The following MOB1B variants were observed in gnomAD, a reference collection of about 807,000 sequenced individuals.
MOB1B encodes the protein MOB kinase activator 1B.
A neutral mutation model predicts 24.4 loss-of-function variants in MOB1B; 19 were observed. That is an observed-to-expected ratio of 0.78 (90% CI 0.54 to 1.14). MOB1B has a LOEUF of 1.14. Among genes scored for constraint, MOB1B ranks in the 50% most tolerant of loss-of-function variants. MOB1B has a pLI of 0.00. For synonymous variants in MOB1B, 76 were observed against 82.1 expected, an observed-to-expected ratio of 0.93 and a Z score of 0.40; for missense variants, 243 against 259.6, an observed-to-expected ratio of 0.94 and a Z score of 0.44.
At chr4:70,924,420 CTT>C (rs1736569559) in intron 1 of MOB1B, among the ~76,000 whole-genome samples, 1 of 152,190 alleles carries the variant, frequency 6.6e-6, no homozygotes, top group Non-Finnish European at 1.5e-5. Flanking sequence ...GGCTTAGACT[CTT>C]TAGCCCTTTA....
At chr4:70,964,067 A>G (rs1738419850) in intron 2 of MOB1B, among the ~76,000 whole-genome samples, 1 of 152,256 alleles carries the variant, frequency 6.6e-6, no homozygotes, top group Non-Finnish European at 1.5e-5. Flanking sequence ...TTCAATTCCC[A>G]AATAGTATAT....
intron 1 of MOB1B, among the ~76,000 whole-genome samples, chr4:70,914,742 TC>T (rs1393324150): frequency 6.6e-6 from 1 of 152,240 alleles, no homozygotes; most frequent in African/African-American, 2.4e-5. Context: ...TTTGTCATTC[TC>T]AGGTAGTTGT....
chr4:70,975,824 G>A (rs1373451705), intron 4 of MOB1B: 1 of 912,812 alleles, frequency 1.1e-6, no homozygotes, highest in East Asian at 1.2e-4. Context: ...ACTTACAGGT[G>A]TTCTATGTTT....
chr4:70,929,890 C>T (rs1241856437), intron 1 of MOB1B, among the ~76,000 whole-genome samples: 1 of 151,950 alleles, frequency 6.6e-6, no homozygotes, highest in East Asian at 1.9e-4. Flanking sequence ...GCCTCGGCCT[C>T]CCTTAATACA....
chr4:70,929,869 G>A (rs951570550), intron 1 of MOB1B, among the ~76,000 whole-genome samples: 3 of 151,808 alleles, frequency 2.0e-5, no homozygotes, highest in South Asian at 2.1e-4. Context: ...TCCTGACCTT[G>A]TGATCCGCCC....
intron 1 of MOB1B, among the ~76,000 whole-genome samples, chr4:70,927,265 G>T (rs1015323481): frequency 6.6e-6 from 1 of 152,084 alleles, no homozygotes; most frequent in Non-Finnish European, 1.5e-5. Context: ...TCAGCCAGGC[G>T]CAGTGGCTCA....
At chr4:70,955,011 C>T (rs1362969978) in intron 1 of MOB1B, among the ~76,000 whole-genome samples, 2 of 152,004 alleles carry the variant, frequency 1.3e-5, no homozygotes, top group African/African-American at 4.8e-5. Context: ...GTCTCAAACT[C>T]CTGACCTCAA....
At chr4:70,951,975 G>A (rs1414631127) in intron 1 of MOB1B, among the ~76,000 whole-genome samples, 3 of 152,206 alleles carry the variant, frequency 2.0e-5, no homozygotes, top group East Asian at 1.9e-4. Context: ...ACTTTCGTAC[G>A]TTGTGGCTGC....
chr4:70,903,974 CTTTTTTTTT>C (rs754257097), intron 1 of MOB1B, among the ~76,000 whole-genome samples: 7 of 81,006 alleles, frequency 8.6e-5, no homozygotes, highest in East Asian at 4.4e-4. Context: ...TATTTTAGTT[CTTTTTTTTT>C]TTTTTTTTTT....
intron 1 of MOB1B, among the ~76,000 whole-genome samples, chr4:70,923,267 T>C (rs1418513869): frequency 6.6e-6 from 1 of 152,092 alleles, no homozygotes; most frequent in African/African-American, 2.4e-5. Flanking sequence ...AAGAGCATCC[T>C]CTTTGGGGAG....
chr4:70,982,030 T>TG lies in MOB1B; in HGVS notation c.625dup (p.Glu209GlyfsTer43). On this transcript the variant is annotated frameshift_variant, in exon 6 of 6. Coordinates refer to ENST00000309395, the MANE Select transcript of MOB1B (RefSeq NM_173468.4). LOFTEE classifies it high-confidence loss of function. ...AACTTGCACCACTCCAAGAACTGAT[T>TG]GAAAAACTCACCTCAAAAGACAGAT... 1 of 1,612,506 alleles carries TG rather than the reference T, an allele frequency of 6.2e-7. No homozygotes were observed. Among genetic ancestry groups the TG allele is most frequent in the East Asian group, 2.2e-5 (1 of 44,848 alleles).
At position 70,939,816 on chromosome 4, in the gene MOB1B, C is replaced by A. The variant is rs183195415; in HGVS notation, c.15-19058C>A. On this transcript the variant is annotated intron_variant, in intron 1 of 5. Transcript: ENST00000309395. ...CAAGGACAGAGAGTTTTTTGTATCC[C>A]GGAGTTCTTGCCTTGGTGTACAGAA... Among the ~76,000 whole-genome samples, 3 of 152,292 alleles carry A rather than the reference C, an allele frequency of 2.0e-5. No homozygotes were observed. In the South Asian group the frequency reaches 6.2e-4, roughly 32 times the overall value.
At chr4:70,932,495 A>G (rs985920984) in intron 1 of MOB1B, among the ~76,000 whole-genome samples, 13 of 152,156 alleles carry the variant, frequency 8.5e-5, no homozygotes, top group African/African-American at 2.7e-4. Context: ...GCATTGCACT[A>G]GTATTTTATT....
intron 1 of MOB1B, chr4:70,950,839 A>G (rs1349600378): frequency 1.6e-6 from 2 of 1,234,260 alleles, no homozygotes; most frequent in Admixed American, 4.0e-5. Flanking sequence ...GAGCAGAGAG[A>G]ACTAATAGTA....
intron 1 of MOB1B, among the ~76,000 whole-genome samples, chr4:70,939,435 C>T (rs183711698): frequency 2.6e-5 from 4 of 152,170 alleles, no homozygotes; most frequent in African/African-American, 4.8e-5. Flanking sequence ...ATCTCACACC[C>T]GTAATCACAG....
intron 1 of MOB1B, among the ~76,000 whole-genome samples, chr4:70,951,425 G>T (rs75790587): frequency 0.013 from 1,972 of 152,350 alleles, 38 homozygotes; most frequent in African/African-American, 0.045. Flanking sequence ...CTAGGACTGA[G>T]TTGTTTACTA....
chr4:70,973,513 T>G (rs907866238), intron 3 of MOB1B, among the ~76,000 whole-genome samples: 1 of 151,310 alleles, frequency 6.6e-6, no homozygotes, highest in African/African-American at 2.4e-5. Flanking sequence ...GGCTAAAATC[T>G]TACCATTCAC....
At chr4:70,918,954 T>C (rs1047852795) in intron 1 of MOB1B, among the ~76,000 whole-genome samples, 14 of 152,148 alleles carry the variant, frequency 9.2e-5, no homozygotes, top group Admixed American at 8.5e-4. Flanking sequence ...GTGGCACATA[T>C]ACACCATGGA....
chr4:70,931,053 C>T (rs1736873744), intron 1 of MOB1B, among the ~76,000 whole-genome samples: 1 of 149,354 alleles, frequency 6.7e-6, no homozygotes, highest in Admixed American at 6.7e-5. Flanking sequence ...TCACAGTGGG[C>T]CTTTCCTGAC....
Sources: allele counts gnomAD v4.1 joint callset (sites outside exome capture counted in the v4.1 genomes callset), GRCh38; gene constraint gnomAD v4.1.1; transcripts MANE v1.5; gene names NCBI Gene and HGNC (gene_info 2026-07-23, HGNC 2026-07-21).